Variants in FAM110D observed in about 807,000 individuals in gnomAD.
FAM110D encodes the protein protein FAM110D.
For missense variants in FAM110D, 376 were observed against 395.6 expected, an observed-to-expected ratio of 0.95 and a Z score of 0.42; for synonymous variants, 174 against 189.4, an observed-to-expected ratio of 0.92 and a Z score of 0.67.
chr1:26,161,690 A>G lies in FAM110D; in HGVS notation c.399A>G (p.Ser133=). Residue 133 remains serine, a synonymous_variant, in exon 2 of 2, where the codon TCA becomes TCG. Transcript: ENST00000374268. This position sits in a 1 kb window ranked among gnomAD's most constrained non-coding sequence, Gnocchi z 5.4. ...SPASTERPAA[S]GGWAAPQDAP... is the part of the protein sequence containing the mutation. The stretch of plus-strand genomic sequence containing the variant: ...CCTCCACAGAGCGACCTGCGGCTTC[A>G]GGGGGTTGGGCTGCGCCCCAGGATG... The G allele has an allele frequency of 1.3e-6, 2 of 1,551,314 alleles. No individual in the cohort carries two copies. Among genetic ancestry groups the G allele is most frequent in the Non-Finnish European group, 1.7e-6 (2 of 1,147,614 alleles).
rs2088369339 is a variant in FAM110D, at chr1:26,161,671, C to A, written c.380C>A (p.Thr127Lys). The A allele has an allele frequency of 6.4e-7, 1 of 1,552,444 alleles. No individual in the cohort carries two copies. Among genetic ancestry groups the A allele is most frequent in the Non-Finnish European group, 8.7e-7 (1 of 1,148,294 alleles). ...RDAAPSSPAS[T>K]ERPAASGGWA... ...GCTGCCCCGAGCAGCCCGGCCTCCA[C>A]AGAGCGACCTGCGGCTTCAGGGGGT... Residue 127 changes from threonine to lysine, a missense_variant, in exon 2 of 2, where the codon ACA becomes AAA. By Grantham distance (78) the Thr-to-Lys change is moderately conservative. Transcript: ENST00000374268. This position sits in a 1 kb window ranked among gnomAD's most constrained non-coding sequence, Gnocchi z 5.4.
At position 26,162,390 on chromosome 1, in the gene FAM110D, A is replaced by C; in HGVS notation, c.*283A>C. 2 of 275,954 alleles carry C rather than the reference A, an allele frequency of 7.2e-6. No individual in the cohort carries two copies. The highest frequency in any genetic ancestry group is 7.2e-5 in the East Asian group (1 of 13,984). The allele number at this position is 275,954 out of a possible 1,614,324, so 17.1% of individuals were successfully genotyped here. ...TGAATAAAGTTAAAACGTTATTTAAATGGGGAGCTGAGGAAGGAGCAAACG... is the reference window on the plus strand; with the variant it reads ...TGAATAAAGTTAAAACGTTATTTAACTGGGGAGCTGAGGAAGGAGCAAACG... On this transcript the variant is annotated 3_prime_UTR_variant, in exon 2 of 2. Coordinates refer to ENST00000374268, the MANE Select transcript of FAM110D (RefSeq NM_024869.3). The surrounding 1 kb of genome is among the most constrained non-coding windows in gnomAD (Gnocchi z 5.3).
In FAM110D at chr1:26,161,422, G is replaced by A. The variant is rs758223492; in HGVS notation, c.131G>A (p.Arg44His). 3.1e-5 allele frequency: 49 copies of A among 1,593,550 alleles called. No individual in the cohort carries two copies. Among genetic ancestry groups the A allele is most frequent in the Non-Finnish European group, 4.1e-5 (48 of 1,170,506 alleles). ...VIARRQEPAL[R>H]GSPGPLTPHP... is the part of the protein sequence containing the mutation. Reference sequence around the variant, plus strand: ...GCTAGGCGACAGGAGCCAGCCCTGCGTGGGAGTCCTGGGCCGCTCACGCCG... The same window carrying A: ...GCTAGGCGACAGGAGCCAGCCCTGCATGGGAGTCCTGGGCCGCTCACGCCG... Residue 44 changes from arginine (R) to histidine (H), a missense_variant, in exon 2 of 2, where the codon CGT becomes CAT. Arg to His is a conservative substitution (Grantham distance 29). Transcript: ENST00000374268. The surrounding 1 kb of genome is among the most constrained non-coding windows in gnomAD (Gnocchi z 5.4).
Position 26,161,739 on chromosome 1 carries a change from G to A in FAM110D, c.448G>A (p.Ala150Thr). Reference sequence around the variant, plus strand: ...TGCCCCGGAAGCGGCGGGAAAGCGGGCGCTGTGTCCCACGTGCTCGCTGCC... The same window carrying A: ...TGCCCCGGAAGCGGCGGGAAAGCGGACGCTGTGTCCCACGTGCTCGCTGCC... ...QDAPEAAGKR[A>T]LCPTCSLPLS... The change falls in exon 2 of 2, where the codon GCG (alanine) becomes ACG (threonine). Residue 150 changes from alanine to threonine, a missense_variant. Physicochemically the swap from Ala to Thr is moderately conservative, Grantham distance 58. Transcript: ENST00000374268. This position sits in a 1 kb window ranked among gnomAD's most constrained non-coding sequence, Gnocchi z 5.4. 10 of 1,548,546 alleles carry A rather than the reference G, an allele frequency of 6.5e-6. No individual in the cohort carries two copies. Among genetic ancestry groups the A allele is most frequent in the Non-Finnish European group, 8.7e-6 (10 of 1,146,462 alleles).
Position 26,162,081 on chromosome 1 carries a change from G to A in FAM110D, c.790G>A (p.Gly264Arg). 7.9e-7 allele frequency: 1 copy of A among 1,271,574 alleles called. No homozygotes were observed. The highest frequency in any genetic ancestry group is 9.9e-7 in the Non-Finnish European group (1 of 1,009,764). The allele number at this position is 1,271,574 out of a possible 1,614,324, so 78.8% of individuals were successfully genotyped here. A position where few individuals can be genotyped will look rare whatever the true frequency, so the allele number is the denominator to read the frequency against. ...GCTGTACGGCTGCCAGCGCGCCCGC[G>A]GACCGCCGCGCGAGTCCGAGGTGTG... is the stretch of plus-strand genomic sequence containing the variant. ...QWLYGCQRAR[G>R]PPRESEV Residue 264 changes from glycine (G) to arginine (R), a missense_variant, in exon 2 of 2, where the codon GGA becomes AGA. Physicochemically the swap from Gly to Arg is moderately radical, Grantham distance 125. Coordinates refer to ENST00000374268, the MANE Select transcript of FAM110D (RefSeq NM_024869.3). This position sits in a 1 kb window ranked among gnomAD's most constrained non-coding sequence, Gnocchi z 5.3.
In FAM110D at chr1:26,162,120, CGGACTGGCCCCG is replaced by C. The variant is rs892897459; in HGVS notation, c.*28_*39del. On this transcript the variant is annotated 3_prime_UTR_variant, in exon 2 of 2. Coordinates refer to ENST00000374268, the MANE Select transcript of FAM110D (RefSeq NM_024869.3). This position sits in a 1 kb window ranked among gnomAD's most constrained non-coding sequence, Gnocchi z 5.3. ...GTCCGAGGTGTGACCGCCGCGGCTCCGGACTGGCCCCGGGACTGGCCCCGGGCACGGAAAAGG... is the reference window on the plus strand; with the variant it reads ...GTCCGAGGTGTGACCGCCGCGGCTCCGGACTGGCCCCGGGCACGGAAAAGG... 77 of 1,253,634 alleles carry C rather than the reference CGGACTGGCCCCG, an allele frequency of 6.1e-5. No individual in the cohort carries two copies. Among genetic ancestry groups the C allele is most frequent in the Middle Eastern group, 5.6e-4 (2 of 3,540 alleles). 77.7% of individuals were successfully genotyped at this position (1,253,634 alleles called of 1,614,324 possible). A position where few individuals can be genotyped will look rare whatever the true frequency, so the allele number is the denominator to read the frequency against.
At position 26,162,118 on chromosome 1, in the gene FAM110D, TC is replaced by T; in HGVS notation, c.*13del. 1 of 1,255,052 alleles carries T rather than the reference TC, an allele frequency of 8.0e-7. No homozygotes were observed. 77.7% of individuals were successfully genotyped at this position (1,255,052 alleles called of 1,614,324 possible). On this transcript the variant is annotated 3_prime_UTR_variant, in exon 2 of 2. Coordinates refer to ENST00000374268, the MANE Select transcript of FAM110D (RefSeq NM_024869.3). The surrounding 1 kb of genome is among the most constrained non-coding windows in gnomAD (Gnocchi z 5.3). ...GAGTCCGAGGTGTGACCGCCGCGGC[TC>T]CGGACTGGCCCCGGGACTGGCCCCG...
intron 1 of FAM110D, among the ~76,000 whole-genome samples, chr1:26,159,558 G>C (rs1200348276): frequency 6.6e-6 from 1 of 151,326 alleles, no homozygotes; most frequent in Non-Finnish European, 1.5e-5. Context: ...GACAGGGAGG[G>C]GGACACTGCC....
chr1:26,159,750 C>T (rs1457682771), intron 1 of FAM110D, among the ~76,000 whole-genome samples: 3 of 152,008 alleles, frequency 2.0e-5, no homozygotes, highest in African/African-American at 7.3e-5. Context: ...GTCCCTCAGC[C>T]TCCAGGACTC....
rs77957852 is a variant in FAM110D at position 26,160,620 on chromosome 1, T to C, written c.-80-592T>C. Among the ~76,000 whole-genome samples the C allele has an allele frequency of 7.8e-3, 1,189 of 152,384 alleles. 6 individuals carry two copies. The highest frequency in any genetic ancestry group is 0.013 in the Non-Finnish European group (879 of 68,040). On this transcript the variant is annotated intron_variant, in intron 1 of 1. Coordinates refer to ENST00000374268, the MANE Select transcript of FAM110D (RefSeq NM_024869.3). ...GGTTAAACAAGGTGATGTTTACAGT[T>C]TGGCATTCTGCGATCCCCTTGGCAG...
rs2088374202 is a variant in FAM110D at position 26,161,919 on chromosome 1, G to A, written c.628G>A (p.Asp210Asn). The change falls in exon 2 of 2, where the codon GAC (aspartate) becomes AAC (asparagine). Residue 210 changes from aspartate (D) to asparagine (N), a missense_variant. By Grantham distance (23) the Asp-to-Asn change is conservative (BLOSUM62 1). Transcript: ENST00000374268. The surrounding 1 kb of genome is among the most constrained non-coding windows in gnomAD (Gnocchi z 5.4). ...SPPPGSGDAS[D>N]WTSSDRGVDS... Reference sequence around the variant, plus strand: ...GCCGCCCGGCTCCGGGGACGCCAGCGACTGGACATCCAGCGACAGGGGCGT... The same window carrying A: ...GCCGCCCGGCTCCGGGGACGCCAGCAACTGGACATCCAGCGACAGGGGCGT... 2.8e-6 allele frequency: 4 copies of A among 1,411,458 alleles called. No individual in the cohort carries two copies. In the African/African-American group the frequency reaches 4.5e-5, roughly 16 times the overall value. The allele number at this position is 1,411,458 out of a possible 1,614,324, so 87.4% of individuals were successfully genotyped here.
rs1447735921 is a variant in FAM110D, at chr1:26,163,021, T to C, written c.*914T>C. On this transcript the variant is annotated 3_prime_UTR_variant, in exon 2 of 2. Transcript: ENST00000374268. ...GGCGCGCGCCTGTAATCCCAGCTACTCGGGAGGCTGAGGCAGGAGAATCGC... is the reference window on the plus strand; with the variant it reads ...GGCGCGCGCCTGTAATCCCAGCTACCCGGGAGGCTGAGGCAGGAGAATCGC... 1 of 151,858 alleles carries C rather than the reference T, an allele frequency of 6.6e-6. No individual in the cohort carries two copies. The highest frequency in any genetic ancestry group is 1.5e-5 in the Non-Finnish European group (1 of 68,028). 9.4% of individuals were successfully genotyped at this position (151,858 alleles called of 1,614,324 possible).
chr1:26,161,641 G>C lies in FAM110D; in HGVS notation c.350G>C (p.Arg117Pro), dbSNP rs746273780. The change falls in exon 2 of 2, where the codon CGG becomes CCG. Residue 117 changes from arginine to proline, a missense_variant. Coordinates refer to ENST00000374268, the MANE Select transcript of FAM110D (RefSeq NM_024869.3). This position sits in a 1 kb window ranked among gnomAD's most constrained non-coding sequence, Gnocchi z 5.4. The stretch of plus-strand genomic sequence containing the variant: ...CGGCGCCTCTTTCTGGGTGCCCCGC[G>C]GGACGCTGCCCCGAGCAGCCCGGCC... Reference protein sequence around the residue: ...LVRRLFLGAPRDAAPSSPAST... With the variant: ...LVRRLFLGAPPDAAPSSPAST... 3 of 1,552,076 alleles carry C rather than the reference G, an allele frequency of 1.9e-6. No homozygotes were observed. The South Asian group carries it at 3.6e-5, about 18-fold the overall frequency.
In FAM110D at chr1:26,161,391, G is replaced by C. The variant is rs752075305; in HGVS notation, c.100G>C (p.Val34Leu). The C allele has an allele frequency of 1.3e-6, 2 of 1,598,812 alleles. No individual in the cohort carries two copies. Among genetic ancestry groups the C allele is most frequent in the Admixed American group, 3.5e-5 (2 of 57,958 alleles). The change falls in exon 2 of 2, where the codon GTG (valine) becomes CTG (leucine). Residue 34 changes from valine to leucine, a missense_variant. Physicochemically the swap from Val to Leu is conservative, Grantham distance 32. Coordinates refer to ENST00000374268, the MANE Select transcript of FAM110D (RefSeq NM_024869.3). This position sits in a 1 kb window ranked among gnomAD's most constrained non-coding sequence, Gnocchi z 5.4. ...AGCCAAGTATGTCAAGACGCACCAG[G>C]TGATAGCTAGGCGACAGGAGCCAGC... Reference protein sequence around the residue: ...DKAKYVKTHQVIARRQEPALR... With the variant: ...DKAKYVKTHQLIARRQEPALR...
In FAM110D at chr1:26,161,407, A is replaced by T; in HGVS notation, c.116A>T (p.Gln39Leu). 6.3e-7 allele frequency: 1 copy of T among 1,596,752 alleles called. No homozygotes were observed. Among genetic ancestry groups the T allele is most frequent in the Non-Finnish European group, 8.5e-7 (1 of 1,172,062 alleles). ...VKTHQVIARR[Q>L]EPALRGSPGP... The stretch of plus-strand genomic sequence containing the variant: ...ACGCACCAGGTGATAGCTAGGCGAC[A>T]GGAGCCAGCCCTGCGTGGGAGTCCT... The change falls in exon 2 of 2, where the codon CAG becomes CTG. Residue 39 changes from glutamine (Q) to leucine (L), a missense_variant. By Grantham distance (113) the Gln-to-Leu change is moderately radical (BLOSUM62 -2). Transcript: ENST00000374268. This position sits in a 1 kb window ranked among gnomAD's most constrained non-coding sequence, Gnocchi z 5.4.
chr1:26,163,941 T>C lies in FAM110D; in HGVS notation c.*1834T>C, dbSNP rs1191391841. 5.2e-6 allele frequency: 2 copies of C among 387,680 alleles called. No individual in the cohort carries two copies. Among genetic ancestry groups the C allele is most frequent in the Non-Finnish European group, 9.1e-6 (2 of 219,828 alleles). The allele number at this position is 387,680 out of a possible 1,614,324, so 24.0% of individuals were successfully genotyped here. A position where few individuals can be genotyped will look rare whatever the true frequency, so the allele number is the denominator to read the frequency against. On this transcript the variant is annotated 3_prime_UTR_variant, in exon 2 of 2. Transcript: ENST00000374268. ...CTCCAACTTCCTGGAAAGTTGTACC[T>C]TAAATAAAAAACCCATCCTGATATG...
At position 26,163,414 on chromosome 1, in the gene FAM110D, G is replaced by C. The variant is rs867170265; in HGVS notation, c.*1307G>C. The C allele has an allele frequency of 4.2e-5, 1 of 24,088 alleles. No homozygotes were observed. The highest frequency in any genetic ancestry group is 1.0e-4 in the Non-Finnish European group (1 of 9,802). The allele number at this position is 24,088 out of a possible 1,614,324, so 1.5% of individuals were successfully genotyped here. A position where few individuals can be genotyped will look rare whatever the true frequency, so the allele number is the denominator to read the frequency against. On this transcript the variant is annotated 3_prime_UTR_variant, in exon 2 of 2. Transcript: ENST00000374268. ...GGCTGGAGTGCAGTGGCGGGATCTC[G>C]GCTCACTGCAAGCTCCGCCTCCCGG...
At position 26,161,107 on chromosome 1, in the gene FAM110D, C is replaced by T. The variant is rs1043170994; in HGVS notation, c.-80-105C>T. 16 of 599,394 alleles carry T rather than the reference C, an allele frequency of 2.7e-5. No individual in the cohort carries two copies. Among genetic ancestry groups the T allele is most frequent in the South Asian group, 4.8e-5 (2 of 41,464 alleles). 37.1% of individuals were successfully genotyped at this position (599,394 alleles called of 1,614,324 possible). ...GCTCCCTGGATGTGGCACCGGCTAA[C>T]CTGGATGGGAGAGGGTGGCTGACTG... is the stretch of plus-strand genomic sequence containing the variant. On this transcript the variant is annotated intron_variant, in intron 1 of 1. Coordinates refer to ENST00000374268, the MANE Select transcript of FAM110D (RefSeq NM_024869.3). This position sits in a 1 kb window ranked among gnomAD's most constrained non-coding sequence, Gnocchi z 5.4.
In FAM110D at chr1:26,161,803, T is replaced by A; in HGVS notation, c.512T>A (p.Leu171Gln). The A allele has an allele frequency of 6.5e-7, 1 of 1,549,952 alleles. No homozygotes were observed. The highest frequency in any genetic ancestry group is 8.7e-7 in the Non-Finnish European group (1 of 1,147,772). The change falls in exon 2 of 2, where the codon CTG (leucine) becomes CAG (glutamine). Residue 171 changes from leucine to glutamine, a missense_variant. Coordinates refer to ENST00000374268, the MANE Select transcript of FAM110D (RefSeq NM_024869.3). This position sits in a 1 kb window ranked among gnomAD's most constrained non-coding sequence, Gnocchi z 5.4. The stretch of plus-strand genomic sequence containing the variant: ...GAGCGCTTCTTCAACTACTGCGGCC[T>A]GGAGCGCGCGCTGGTGGAGGTGCTG... ...EKERFFNYCG[L>Q]ERALVEVLGA...
Sources: gnomAD v4.1 joint callset for allele counts (sites outside exome capture counted in the v4.1 genomes callset) on GRCh38, gnomAD v4.1.1 for gene constraint, Gnocchi (gnomAD v3.1) non-coding constraint, MANE v1.5 for transcripts, NCBI Gene and HGNC (gene_info 2026-07-23, HGNC 2026-07-21) for gene names.